The following IFT172 variants were observed in gnomAD, a reference collection of about 807,000 sequenced individuals.
The protein encoded by IFT172 is intraflagellar transport 172, also known as intraflagellar transport protein 172 homolog.
In IFT172, 164 loss-of-function variants were observed where a neutral mutation model predicts 248.9. The ratio of observed to expected loss-of-function variants is 0.66; its 90% CI spans 0.58 to 0.75. The LOEUF (loss-of-function observed/expected upper bound fraction) is 0.75, where lower values mean the gene tolerates loss of function less well. Among genes scored for constraint, IFT172 ranks in the 30% least tolerant of loss-of-function variants. The probability of loss-of-function intolerance (pLI) is 0.00; values close to 1 mark genes in which losing one functional copy is unlikely to be tolerated. For missense variants in IFT172, 1,950 were observed against 2,192.4 expected (o/e 0.89, Z 2.21); for synonymous variants, 729 against 791.6 (o/e 0.92, Z 1.33).
chr2:27,479,016 T>C (rs1668158854), intron 10 of IFT172, among the ~76,000 whole-genome samples: 1 of 152,152 alleles, frequency 6.6e-6, no homozygotes, highest in Non-Finnish European at 1.5e-5. Context: ...AACTTTTCTT[T>C]TTTTTTGAGA....
chr2:27,484,929 AT>A (rs1668646526), intron 3 of IFT172, 88 bp downstream of exon 3: 1 of 802,978 alleles, frequency 1.2e-6, no homozygotes, highest in Admixed American at 2.1e-5. Context: ...TTGGCTTCTC[AT>A]CCCCTGTATT....
At chr2:27,444,961 C>A in intron 47 of IFT172, 53 bp downstream of exon 47, 1 of 1,531,900 alleles carries the variant, frequency 6.5e-7, no homozygotes, top group Non-Finnish European at 8.8e-7. Flanking sequence ...GTTTTTTTTT[C>A]TTTTTTTAGT....
chr2:27,455,358 T>C (rs772567093), intron 30 of IFT172: 1 of 310,344 alleles, frequency 3.2e-6, no homozygotes, highest in Non-Finnish European at 6.2e-6. Context: ...ACAGGCAGGC[T>C]AAACAAGTGT....
rs188300375 is a variant in IFT172 at position 27,456,838 on chromosome 2, A to G, written c.3229-185T>C. On this transcript the variant is annotated intron_variant, in intron 29 of 47. Coordinates refer to ENST00000260570, the MANE Select transcript of IFT172 (RefSeq NM_015662.3). ...GGCAAGAGGATAACTTGAGGTCAGG[A>G]GTTCGAGACCAGCCTGGCCAACATA... 1.1e-3 allele frequency among the ~76,000 whole-genome samples: 174 copies of G among 152,252 alleles called. 1 individual carries two copies. The East Asian group carries it at 0.025, about 22-fold the overall frequency.
chr2:27,475,017 T>G (rs141993073), intron 14 of IFT172, among the ~76,000 whole-genome samples: 398 of 152,260 alleles, frequency 2.6e-3, no homozygotes, highest in African/African-American at 9.1e-3. Context: ...TGCAAAGAAC[T>G]CCTTCAAATC....
In IFT172 at chr2:27,445,174, C is replaced by G; in HGVS notation, c.5069-69G>C. The G allele has an allele frequency of 6.2e-7, 1 of 1,600,778 alleles. No homozygotes were observed. The highest frequency in any genetic ancestry group is 2.2e-5 in the East Asian group (1 of 44,772). On this transcript the variant is annotated intron_variant, in intron 46 of 47. Coordinates refer to ENST00000260570, the MANE Select transcript of IFT172 (RefSeq NM_015662.3). This position sits in a 1 kb window ranked among gnomAD's most constrained non-coding sequence, Gnocchi z 4.4. ...TGAGGAGGGAAAAATGAGGAGCAGC[C>G]TGGGGGGTAGAAAGCACAGTCCTGT...
intron 26 of IFT172, 94 bp from the exon 27 acceptor site, chr2:27,458,317 C>T: frequency 9.8e-7 from 1 of 1,024,816 alleles, no homozygotes; most frequent in Non-Finnish European, 1.5e-6. Flanking sequence ...TCTGAACTCT[C>T]CCAACAATCA....
chr2:27,482,973 A>C (rs1668489236), intron 7 of IFT172, among the ~76,000 whole-genome samples: 1 of 148,030 alleles, frequency 6.8e-6, no homozygotes, highest in African/African-American at 2.5e-5. Context: ...GGGCTCCTGG[A>C]ATTTCCTTAT....
rs370407165 is a variant in IFT172, at chr2:27,463,155, G to A, written c.1964C>T (p.Ala655Val). The part of the protein sequence containing the change: ...ERCFSALGQV[A>V]KARFLHETNE... ...GGTCTCATGCAGGAATCGAGCTTTTGCTACTTGGCCCAAAGCAGAAAAGCA... is the reference window on the plus strand; with the variant it reads ...GGTCTCATGCAGGAATCGAGCTTTTACTACTTGGCCCAAAGCAGAAAAGCA... Residue 655 changes from alanine (A) to valine (V), a missense_variant, in exon 19 of 48, where the codon GCA becomes GTA. By Grantham distance (64) the Ala-to-Val change is moderately conservative. This residue lies in a region of IFT172 where 1,166 missense variants were observed against 1,254.1 expected (regional missense o/e 0.93). Transcript: ENST00000260570. 4.5e-5 allele frequency: 72 copies of A among 1,613,998 alleles called. No homozygotes were observed. The highest frequency in any genetic ancestry group is 4.2e-6 in the Non-Finnish European group (5 of 1,180,022).
chr2:27,489,699 G>A lies in IFT172; in HGVS notation c.-46C>T, dbSNP rs1465271510. The A allele has an allele frequency of 4.6e-6, 7 of 1,517,522 alleles. No homozygotes were observed. The highest frequency in any genetic ancestry group is 1.1e-5 in the South Asian group (1 of 87,450). 94.0% of individuals were successfully genotyped at this position (1,517,522 alleles called of 1,614,324 possible). Reference sequence around the variant, plus strand: ...ATGCTCCTAGACAGCGACAACTCCCGTGGTTACCTGGACAACCCGCCACGC... The same window carrying A: ...ATGCTCCTAGACAGCGACAACTCCCATGGTTACCTGGACAACCCGCCACGC... On this transcript the variant is annotated 5_prime_UTR_variant, in exon 1 of 48. In the 5' UTR this introduces an upstream ATG that the reference lacks. Coordinates refer to ENST00000260570, the MANE Select transcript of IFT172 (RefSeq NM_015662.3).
chr2:27,458,289 A>C, intron 26 of IFT172, 66 bp from the exon 27 acceptor site: 2 of 1,327,808 alleles, frequency 1.5e-6, no homozygotes, highest in Non-Finnish European at 2.2e-6. Context: ...CTTCAAGGAA[A>C]CCTGCTTGTT....
At chr2:27,484,918 C>T in intron 3 of IFT172, 100 bp downstream of exon 3, 1 of 750,378 alleles carries the variant, frequency 1.3e-6, no homozygotes, top group East Asian at 2.5e-5. Context: ...AATGGCCAAG[C>T]TTGGCTTCTC....
chr2:27,470,770 T>G, intron 16 of IFT172, 158 bp downstream of exon 16: 2 of 625,146 alleles, frequency 3.2e-6, no homozygotes, highest in Non-Finnish European at 5.1e-6. Flanking sequence ...AAAAGGATGG[T>G]TCTGGGGGCT....
chr2:27,483,912 G>A lies in IFT172; in HGVS notation c.362C>T (p.Pro121Leu), dbSNP rs765202929. 40 of 1,613,706 alleles carry A rather than the reference G, an allele frequency of 2.5e-5. No homozygotes were observed. The highest frequency in any genetic ancestry group is 1.6e-4 in the Middle Eastern group (1 of 6,084). ...QTSAVTCLQW[P>L]AEYIIVFGLA... ...TCCAAAGACAATGATGTATTCTGCC[G>A]GCCATTGCAGACAAGTGACAGCACT... The change falls in exon 5 of 48, where the codon CCG (proline) becomes CTG (leucine). Residue 121 changes from proline (P) to leucine (L), a missense_variant. Physicochemically the swap from Pro to Leu is moderately conservative, Grantham distance 98. Transcript: ENST00000260570.
rs1226106404 is a variant in IFT172 at position 27,480,016 on chromosome 2, A to G, written c.909+10T>C. On this transcript the variant is annotated intron_variant, in intron 9 of 47. Coordinates refer to ENST00000260570, the MANE Select transcript of IFT172 (RefSeq NM_015662.3). ...GTCACCAATCCAGAAAGGGATTACT[A>G]GTAACACACCACACAGAGCCGTGAG... 6.2e-7 allele frequency: 1 copy of G among 1,610,360 alleles called. No individual in the cohort carries two copies. The highest frequency in any genetic ancestry group is 2.2e-5 in the East Asian group (1 of 44,874).
intron 26 of IFT172, 83 bp from the exon 27 acceptor site, chr2:27,458,306 C>T: frequency 1.8e-6 from 2 of 1,103,074 alleles, no homozygotes; most frequent in Middle Eastern, 2.0e-4. Context: ...TGTTCAGAAA[C>T]TCTGAACTCT....
At position 27,453,463 on chromosome 2, in the gene IFT172, T is replaced by A. The variant is rs1057523019; in HGVS notation, c.3872A>T (p.Glu1291Val). The A allele has an allele frequency of 4.3e-6, 7 of 1,613,994 alleles. No individual in the cohort carries two copies. The highest frequency in any genetic ancestry group is 5.9e-6 in the Non-Finnish European group (7 of 1,179,984). Reference protein sequence around the residue: ...EQARHWEQAGEYSRAVDCYLK... With the variant: ...EQARHWEQAGVYSRAVDCYLK... ...GTAGCAGTCCACGGCACGGCTGTAC[T>A]CTCCAGCCTGCTCCCAGTGTCGAGC... The change falls in exon 35 of 48, where the codon GAG becomes GTG. Residue 1291 changes from glutamate (E) to valine (V), a missense_variant. Transcript: ENST00000260570.
In IFT172 at chr2:27,483,864, T is replaced by G. The variant is rs184565714; in HGVS notation, c.402+8A>C. The G allele has an allele frequency of 1.6e-4, 254 of 1,610,094 alleles. 1 individual carries two copies. In the Admixed American group the frequency reaches 4.0e-3, roughly 26 times the overall value. ...CCCCCTCTCTTGTGTTTCCCTTCCC[T>G]CTTTTACCTTCCCTTCAGCCAGTCC... On this transcript the variant is annotated splice_region_variant and intron_variant, in intron 5 of 47. Coordinates refer to ENST00000260570, the MANE Select transcript of IFT172 (RefSeq NM_015662.3).
intron 8 of IFT172, among the ~76,000 whole-genome samples, chr2:27,480,653 T>C (rs1266046262): frequency 1.3e-5 from 2 of 152,264 alleles, no homozygotes; most frequent in Middle Eastern, 3.4e-3. Flanking sequence ...TAGATGCTAA[T>C]CTAGGCACTG....
Sources: gnomAD v4.1 joint callset for allele counts (sites outside exome capture counted in the v4.1 genomes callset) on GRCh38, gnomAD v4.1.1 for gene constraint, gnomAD v4.1.1 regional missense constraint, Gnocchi (gnomAD v3.1) non-coding constraint, MANE v1.5 for transcripts, NCBI Gene and HGNC (gene_info 2026-07-23, HGNC 2026-07-21) for gene names.